SLIT3: variants seen among roughly 807,000 people sequenced by gnomAD.
SLIT3 encodes the protein slit guidance ligand 3.
A neutral mutation model predicts 184.0 loss-of-function variants in SLIT3; 68 were observed. The ratio of observed to expected loss-of-function variants is 0.37; its 90% CI spans 0.30 to 0.45. The LOEUF (loss-of-function observed/expected upper bound fraction) is 0.45, where lower values mean the gene tolerates loss of function less well. Among genes scored for constraint, SLIT3 ranks in the 20% least tolerant of loss-of-function variants. The probability of loss-of-function intolerance (pLI) is 1.00; values close to 1 mark genes in which losing one functional copy is unlikely to be tolerated. For synonymous variants in SLIT3, 831 were observed against 828.6 expected (o/e 1.00, Z -0.05); for missense variants, 1,707 against 2,026.0 (o/e 0.84, Z 3.02).
At chr5:168,963,939 A>G (rs564612367) in intron 4 of SLIT3, among the ~76,000 whole-genome samples, 5 of 152,356 alleles carry the variant, frequency 3.3e-5, no homozygotes, top group South Asian at 2.1e-4. Flanking sequence ...AACCCCTCCA[A>G]CTGGATTTTA....
chr5:168,806,498 C>A lies in SLIT3; in HGVS notation c.883G>T (p.Gly295Ter). Residue 295 changes from glycine (G) to a stop codon, truncating the protein, a stop_gained, in exon 9 of 36, where the codon GGA becomes TGA. Coordinates refer to ENST00000519560, the MANE Select transcript of SLIT3 (RefSeq NM_003062.4). LOFTEE classifies it high-confidence loss of function. ...TCSNNIVDCR[G>*]KGLMEIPANL... Reference sequence around the variant, plus strand: ...GCAGGAATCTCCATCAAGCCCTTTCCTCGACAGTCCACGATGTTATTGCTG... The same window carrying A: ...GCAGGAATCTCCATCAAGCCCTTTCATCGACAGTCCACGATGTTATTGCTG... 2 of 1,614,188 alleles carry A rather than the reference C, an allele frequency of 1.2e-6. No homozygotes were observed. The highest frequency in any genetic ancestry group is 1.7e-6 in the Non-Finnish European group (2 of 1,180,030).
intron 4 of SLIT3, among the ~76,000 whole-genome samples, chr5:168,923,916 C>A (rs1761722068): frequency 6.6e-6 from 1 of 152,262 alleles, no homozygotes; most frequent in African/African-American, 2.4e-5. Flanking sequence ...ATAAAGGTTA[C>A]CGGAACACAG....
Position 169,016,159 on chromosome 5 carries a change from C to T in SLIT3, c.414-132823G>A, listed in dbSNP as rs17070723. The stretch of plus-strand genomic sequence containing the variant: ...AAGTTTTGAGTAGCTATTTTTCCCA[C>T]GTGCTTCTCAGGCTGTGAGATAAAT... On this transcript the variant is annotated intron_variant, in intron 4 of 35. Coordinates refer to ENST00000519560, the MANE Select transcript of SLIT3 (RefSeq NM_003062.4). Among the ~76,000 whole-genome samples the T allele has an allele frequency of 5.8e-3, 889 of 152,296 alleles. 3 individuals are homozygous for T. Among genetic ancestry groups the T allele is most frequent in the East Asian group, 0.012 (60 of 5,184 alleles).
intron 3 of SLIT3, among the ~76,000 whole-genome samples, chr5:169,240,585 T>TG (rs1471982530): frequency 6.8e-6 from 1 of 147,664 alleles, no homozygotes; most frequent in Non-Finnish European, 1.5e-5. Flanking sequence ...TTTTCTTTTT[T>TG]TTTTTTTTTT....
chr5:168,787,919 G>T (rs757369811), intron 11 of SLIT3, among the ~76,000 whole-genome samples: 2 of 152,130 alleles, frequency 1.3e-5, no homozygotes. Context: ...TGCCACACTC[G>T]CAGTGCCTAT....
In SLIT3 at chr5:169,133,347, A is replaced by G. The variant is rs1761374050; in HGVS notation, c.413+60132T>C. Among the ~76,000 whole-genome samples, 6 of 152,204 alleles carry G rather than the reference A, an allele frequency of 3.9e-5. No homozygotes were observed. In the South Asian group the frequency reaches 8.3e-4, roughly 21 times the overall value. The stretch of plus-strand genomic sequence containing the variant: ...CAACTTCTTGGAATCTTGAGTGGTG[A>G]GAGCCCACCTTTGCCACCTCCCCAT... On this transcript the variant is annotated intron_variant, in intron 4 of 35. Coordinates refer to ENST00000519560, the MANE Select transcript of SLIT3 (RefSeq NM_003062.4).
At chr5:169,159,979 A>G (rs1372557233) in intron 4 of SLIT3, among the ~76,000 whole-genome samples, 1 of 152,200 alleles carries the variant, frequency 6.6e-6, no homozygotes, top group Non-Finnish European at 1.5e-5. Flanking sequence ...CAACATAGGG[A>G]TAATAGAACA....
chr5:168,695,524 T>C (rs1196305178), intron 28 of SLIT3, among the ~76,000 whole-genome samples: 2 of 152,246 alleles, frequency 1.3e-5, no homozygotes, highest in Admixed American at 6.5e-5. Flanking sequence ...CTCAAATTCA[T>C]GGAATTCCAG....
At chr5:169,015,950 A>C (rs867715167) in intron 4 of SLIT3, among the ~76,000 whole-genome samples, 2,055 of 131,726 alleles carry the variant, frequency 0.016, 32 homozygotes, top group East Asian at 0.034. Context: ...ACACACACAC[A>C]CACACACACA....
At chr5:169,036,779 T>G (rs1429447245) in intron 4 of SLIT3, among the ~76,000 whole-genome samples, 1 of 152,176 alleles carries the variant, frequency 6.6e-6, no homozygotes, top group Non-Finnish European at 1.5e-5. Context: ...CACAGGAGTC[T>G]AGATGTCAAA....
chr5:168,690,302 T>C (rs550514142), intron 29 of SLIT3, among the ~76,000 whole-genome samples: 18 of 152,164 alleles, frequency 1.2e-4, no homozygotes, highest in African/African-American at 3.9e-4. Context: ...ACCTGGCTAA[T>C]TTTTGTATTT....
intron 4 of SLIT3, among the ~76,000 whole-genome samples, chr5:169,068,812 C>A (rs931613462): frequency 6.7e-6 from 1 of 150,166 alleles, no homozygotes; most frequent in Non-Finnish European, 1.5e-5. Context: ...ACGGGAAAAA[C>A]CCTCTTAAAT....
intron 9 of SLIT3, among the ~76,000 whole-genome samples, chr5:168,803,148 C>T (rs1414954191): frequency 1.3e-5 from 2 of 152,108 alleles, no homozygotes; most frequent in African/African-American, 4.8e-5. Context: ...ATCTACTATA[C>T]AATACACATA....
At chr5:169,252,331 T>G (rs1765804804) in intron 1 of SLIT3, among the ~76,000 whole-genome samples, 2 of 152,180 alleles carry the variant, frequency 1.3e-5, no homozygotes, top group Admixed American at 1.3e-4. Context: ...CTGCCTCAAT[T>G]TATAGGCTTA....
chr5:169,293,449 T>C (rs2113663246), intron 1 of SLIT3, among the ~76,000 whole-genome samples: 1 of 152,242 alleles, frequency 6.6e-6, no homozygotes, highest in Admixed American at 6.5e-5. Flanking sequence ...TGACGATCTG[T>C]ATTTTTCTTA....
At chr5:169,045,840 G>C (rs1271117059) in intron 4 of SLIT3, among the ~76,000 whole-genome samples, 1 of 152,206 alleles carries the variant, frequency 6.6e-6, no homozygotes, top group Non-Finnish European at 1.5e-5. Flanking sequence ...CATACACCGA[G>C]TCAGATTGTT....
chr5:169,068,308 T>C (rs1758426363), intron 4 of SLIT3, among the ~76,000 whole-genome samples: 1 of 152,164 alleles, frequency 6.6e-6, no homozygotes, highest in Non-Finnish European at 1.5e-5. Context: ...ATGAAACAAG[T>C]ATAGAAAAAT....
chr5:169,163,907 T>C lies in SLIT3; in HGVS notation c.413+29572A>G, dbSNP rs977383700. 3.3e-5 allele frequency among the ~76,000 whole-genome samples: 5 copies of C among 152,128 alleles called. No individual in the cohort carries two copies. The East Asian group carries it at 9.7e-4, about 29-fold the overall frequency. ...CAAACTTTTGCCCCATTCGTTCCTT[T>C]GGGCCTGGGCAGAGGTGATGCTTGC... On this transcript the variant is annotated intron_variant, in intron 4 of 35. Coordinates refer to ENST00000519560, the MANE Select transcript of SLIT3 (RefSeq NM_003062.4).
chr5:168,878,843 T>A (rs1759841251), intron 5 of SLIT3, among the ~76,000 whole-genome samples: 1 of 151,876 alleles, frequency 6.6e-6, no homozygotes, highest in African/African-American at 2.4e-5. Context: ...GTCTCCCGAG[T>A]AGCTGGGATT....
Sources: gnomAD v4.1 joint callset for allele counts (sites outside exome capture counted in the v4.1 genomes callset) on GRCh38, gnomAD v4.1.1 for gene constraint, MANE v1.5 for transcripts, NCBI Gene and HGNC (gene_info 2026-07-23, HGNC 2026-07-21) for gene names.